The following ROBO1 variants were observed in gnomAD, a reference collection of about 807,000 sequenced individuals.
ROBO1 encodes the protein roundabout homolog 1.
ROBO1 carries 149 observed loss-of-function variants against 195.9 expected under a neutral mutation model. That is an observed-to-expected ratio of 0.76 (90% CI 0.67 to 0.87). ROBO1 has a LOEUF of 0.87. ROBO1 is among the 40% of genes least tolerant of loss of function. The probability of loss-of-function intolerance (pLI) is 0.00; values close to 1 mark genes in which losing one functional copy is unlikely to be tolerated. For missense variants in ROBO1, 1,933 were observed against 2,068.3 expected, an observed-to-expected ratio of 0.93 and a Z score of 1.27; for synonymous variants, 816 against 733.2, an observed-to-expected ratio of 1.11 and a Z score of -1.82.
chr3:79,243,073 A>G (rs1300172029), intron 2 of ROBO1, among the ~76,000 whole-genome samples: 2 of 145,666 alleles, frequency 1.4e-5, no homozygotes, highest in Non-Finnish European at 3.0e-5. Flanking sequence ...TATGAGTGAG[A>G]ACATGTGGTG....
intron 2 of ROBO1, among the ~76,000 whole-genome samples, chr3:79,169,030 A>C (rs2081121314): frequency 6.6e-6 from 1 of 152,146 alleles, no homozygotes; most frequent in African/African-American, 2.4e-5. Flanking sequence ...ATTTATGTAG[A>C]AGCAACAAGT....
At chr3:79,051,421 T>C (rs989220100) in intron 3 of ROBO1, among the ~76,000 whole-genome samples, 7 of 152,090 alleles carry the variant, frequency 4.6e-5, no homozygotes, top group African/African-American at 1.7e-4. Flanking sequence ...ATTAATAGCA[T>C]ACCAACCAAA....
At chr3:79,741,265 T>A (rs566815822) in intron 1 of ROBO1, among the ~76,000 whole-genome samples, 1 of 152,300 alleles carries the variant, frequency 6.6e-6, no homozygotes, top group East Asian at 1.9e-4. Flanking sequence ...TGTTAACGAT[T>A]ATATCCATTC....
chr3:79,492,761 T>C (rs1422941995), intron 2 of ROBO1, among the ~76,000 whole-genome samples: 1 of 152,104 alleles, frequency 6.6e-6, no homozygotes, highest in African/African-American at 2.4e-5. Context: ...TGAATTTGTA[T>C]GAGATCCACA....
intron 2 of ROBO1, among the ~76,000 whole-genome samples, chr3:79,218,592 T>A (rs1246581970): frequency 6.6e-6 from 1 of 152,066 alleles, no homozygotes; most frequent in African/African-American, 2.4e-5. Flanking sequence ...AATAAAGTAT[T>A]GCATGAAAGA....
chr3:78,879,470 A>C (rs1463692961), intron 4 of ROBO1, among the ~76,000 whole-genome samples: 1 of 152,114 alleles, frequency 6.6e-6, no homozygotes, highest in African/African-American at 2.4e-5. Context: ...AAACTGAAGT[A>C]GCATTTTTTA....
intron 2 of ROBO1, among the ~76,000 whole-genome samples, chr3:79,357,854 T>C (rs2035617789): frequency 6.6e-6 from 1 of 152,192 alleles, no homozygotes; most frequent in African/African-American, 2.4e-5. Flanking sequence ...ATCTGGCTCC[T>C]GACTTTCTTA....
At chr3:79,639,978 T>C (rs768500554) in intron 1 of ROBO1, among the ~76,000 whole-genome samples, 3 of 152,218 alleles carry the variant, frequency 2.0e-5, no homozygotes, top group Non-Finnish European at 2.9e-5. Flanking sequence ...TTTTTTCTTT[T>C]ATGCAAATGT....
At chr3:79,270,062 A>G (rs2030384966) in intron 2 of ROBO1, among the ~76,000 whole-genome samples, 1 of 151,798 alleles carries the variant, frequency 6.6e-6, no homozygotes, top group Non-Finnish European at 1.5e-5. Flanking sequence ...AACATATGGT[A>G]GCTCAGTTTC....
chr3:79,766,202 C>A (rs1704979611), intron 1 of ROBO1, among the ~76,000 whole-genome samples: 1 of 151,968 alleles, frequency 6.6e-6, no homozygotes, highest in Non-Finnish European at 1.5e-5. Context: ...CTAAATCAAT[C>A]CACTTAAAAG....
intron 2 of ROBO1, among the ~76,000 whole-genome samples, chr3:79,333,038 C>T (rs1283962143): frequency 2.6e-5 from 4 of 151,874 alleles, no homozygotes; most frequent in African/African-American, 4.8e-5. Flanking sequence ...CCCGTCTCTG[C>T]TGAAAATACA....
In ROBO1 at chr3:79,655,326, A is replaced by G. The variant is rs541773794; in HGVS notation, c.-50-65365T>C. ...CCATATCAACAGGGACTTCGCTGAT[A>G]CAAATGGCATACCACTGTTAAGCAC... On this transcript the variant is annotated intron_variant, in intron 1 of 30. Transcript: ENST00000464233. Among the ~76,000 whole-genome samples the G allele has an allele frequency of 4.6e-5, 7 of 152,156 alleles. No individual in the cohort carries two copies. The South Asian group carries it at 1.5e-3, about 32-fold the overall frequency.
At chr3:79,347,863 G>A (rs1475157086) in intron 2 of ROBO1, among the ~76,000 whole-genome samples, 1 of 152,126 alleles carries the variant, frequency 6.6e-6, no homozygotes, top group African/African-American at 2.4e-5. Flanking sequence ...TTGAACAAAG[G>A]CACTGAATGA....
At chr3:78,962,114 C>T (rs1030503239) in intron 3 of ROBO1, among the ~76,000 whole-genome samples, 4 of 152,070 alleles carry the variant, frequency 2.6e-5, no homozygotes, top group African/African-American at 7.2e-5. Context: ...TCAAAGTTGA[C>T]AACAAATAAT....
At chr3:79,341,581 C>T (rs1037549190) in intron 2 of ROBO1, among the ~76,000 whole-genome samples, 1 of 151,902 alleles carries the variant, frequency 6.6e-6, no homozygotes, top group African/African-American at 2.4e-5. Flanking sequence ...TGGCCTCAAG[C>T]AATCCTCCCA....
intron 21 of ROBO1, among the ~76,000 whole-genome samples, chr3:78,640,907 A>G (rs1430688151): frequency 6.6e-6 from 1 of 152,192 alleles, no homozygotes; most frequent in East Asian, 1.9e-4. Flanking sequence ...AAGAAATCTG[A>G]TATTTCACCT....
intron 4 of ROBO1, among the ~76,000 whole-genome samples, chr3:78,753,732 T>A (rs530551802): frequency 6.6e-6 from 1 of 152,176 alleles, no homozygotes; most frequent in African/African-American, 2.4e-5. Context: ...TTCCCCAACC[T>A]GTGTCCATGT....
intron 2 of ROBO1, among the ~76,000 whole-genome samples, chr3:79,575,164 A>AATATATATATAAATATATATAAC (rs1376054868): frequency 2.1e-5 from 2 of 96,892 alleles, no homozygotes; most frequent in Non-Finnish European, 3.9e-5. Context: ...ATATATAACA[A>AATATATATATAAATATATATAAC]ATATATATAA....
rs568152632 is a variant in ROBO1, at chr3:78,598,542, A to ATAAAT, written c.*366_*370dup. 3.4e-3 allele frequency: 597 copies of ATAAAT among 173,398 alleles called. No individual in the cohort carries two copies. Among genetic ancestry groups the ATAAAT allele is most frequent in the Non-Finnish European group, 5.2e-3 (428 of 82,088 alleles). 10.7% of individuals were successfully genotyped at this position (173,398 alleles called of 1,614,324 possible). Reference sequence around the variant, plus strand: ...TTCTATATTTGATCAATATCTTGCTATAAATTAGCTTGGCATATAAGCAGT... The same window carrying ATAAAT: ...TTCTATATTTGATCAATATCTTGCTATAAATTAAATTAGCTTGGCATATAAGCAGT... On this transcript the variant is annotated 3_prime_UTR_variant, in exon 31 of 31. Transcript: ENST00000464233.
Sources: allele counts gnomAD v4.1 joint callset (sites outside exome capture counted in the v4.1 genomes callset), GRCh38; gene constraint gnomAD v4.1.1; transcripts MANE v1.5; gene names NCBI Gene and HGNC (gene_info 2026-07-23, HGNC 2026-07-21).